Variants in RIMBP2 observed in about 807,000 individuals in gnomAD.
The protein encoded by RIMBP2 is RIMS binding protein 2.
RIMBP2 carries 48 observed loss-of-function variants against 118.6 expected under a neutral mutation model. The ratio of observed to expected loss-of-function variants is 0.40; its 90% confidence interval spans 0.32 to 0.51. RIMBP2 has a LOEUF of 0.51. RIMBP2 is among the 20% of genes least tolerant of loss of function. The pLI, the probability that RIMBP2 is intolerant of heterozygous loss-of-function variation, is 0.41. For synonymous variants in RIMBP2, 762 were observed against 742.9 expected (o/e 1.03, Z -0.42); for missense variants, 1,551 against 1,768.3 (o/e 0.88, Z 2.20).
At chr12:130,678,409 A>G (rs1354512689) in intron 1 of RIMBP2, among the ~76,000 whole-genome samples, 1 of 152,248 alleles carries the variant, frequency 6.6e-6, no homozygotes, top group East Asian at 1.9e-4. Context: ...AATATTCCGC[A>G]GCCACCAAAG....
chr12:130,439,714 G>A (rs1206724163), intron 11 of RIMBP2, among the ~76,000 whole-genome samples: 21 of 101,808 alleles, frequency 2.1e-4, no homozygotes, highest in East Asian at 1.0e-3. Flanking sequence ...TGGGGGTGTC[G>A]GTGGGGGTGT....
At chr12:130,503,610 C>T (rs2050018101) in intron 4 of RIMBP2, among the ~76,000 whole-genome samples, 1 of 152,154 alleles carries the variant, frequency 6.6e-6, no homozygotes. Flanking sequence ...TCCTGACAAC[C>T]ATTTCTTCTG....
intron 5 of RIMBP2, chr12:130,472,451 G>A (rs1593430018): frequency 1.3e-5 from 2 of 152,210 alleles, no homozygotes; most frequent in East Asian, 1.9e-4. Context: ...CGTGGAGCAG[G>A]AAAATGGGGG....
At chr12:130,636,553 G>A (rs1386023289) in intron 1 of RIMBP2, among the ~76,000 whole-genome samples, 1 of 152,204 alleles carries the variant, frequency 6.6e-6, no homozygotes, top group African/African-American at 2.4e-5. Flanking sequence ...TGGACTAGAT[G>A]AGGTAATAAC....
chr12:130,678,494 G>T (rs186437661), intron 1 of RIMBP2, among the ~76,000 whole-genome samples: 1 of 152,224 alleles, frequency 6.6e-6, no homozygotes, highest in Non-Finnish European at 1.5e-5. Flanking sequence ...AGCCAGGCAC[G>T]AAGGCCACAT....
intron 1 of RIMBP2, among the ~76,000 whole-genome samples, chr12:130,632,201 C>A (rs916057150): frequency 2.6e-5 from 4 of 152,204 alleles, no homozygotes; most frequent in Non-Finnish European, 5.9e-5. Context: ...CCAGTGAGAT[C>A]CCTGCAGGCA....
rs777035774 is a variant in RIMBP2 at position 130,412,736 on chromosome 12, G to A, written c.3472C>T (p.Arg1158Trp). The part of the protein sequence containing the change: ...DGFYRGETCA[R>W]LGLIPCNMVS... ...ATGTTACAAGGAATAAGGCCAAGCC[G>A]GGCACAGGTTTCCCCACGGTAGAAT... Residue 1158 changes from arginine (R) to tryptophan (W), a missense_variant, in exon 19 of 23, where the codon CGG becomes TGG. Physicochemically the swap from Arg to Trp is moderately radical, Grantham distance 101. This residue lies in a region of RIMBP2 where 1,038 missense variants were observed against 1,125.1 expected (regional missense o/e 0.92). Coordinates refer to ENST00000690449, the MANE Select transcript of RIMBP2 (RefSeq NM_001393629.1). 5.6e-6 allele frequency: 9 copies of A among 1,613,750 alleles called. No individual in the cohort carries two copies. In the Admixed American group the frequency reaches 6.7e-5, roughly 12 times the overall value.
chr12:130,531,374 T>C (rs192560059), intron 2 of RIMBP2, among the ~76,000 whole-genome samples: 106 of 152,338 alleles, frequency 7.0e-4, no homozygotes, highest in Non-Finnish European at 1.0e-3. Context: ...CTGTTCTGAT[T>C]TCTAGTCCCA....
chr12:130,473,503 T>C (rs2081183004), intron 5 of RIMBP2, among the ~76,000 whole-genome samples: 1 of 152,120 alleles, frequency 6.6e-6, no homozygotes, highest in Admixed American at 6.5e-5. Context: ...TCTAGCTAGG[T>C]TGGATGGGGC....
intron 4 of RIMBP2, among the ~76,000 whole-genome samples, chr12:130,480,631 T>G (rs1165800215): frequency 6.6e-6 from 1 of 152,200 alleles, no homozygotes; most frequent in Non-Finnish European, 1.5e-5. Flanking sequence ...GATGGAGTCT[T>G]GCTCTGTCAC....
rs1043850141 is a variant in RIMBP2 at position 130,607,065 on chromosome 12, C to G, written c.-217+21257G>C. Among the ~76,000 whole-genome samples, 7 of 152,200 alleles carry G rather than the reference C, an allele frequency of 4.6e-5. No homozygotes were observed. In the South Asian group the frequency reaches 1.5e-3, roughly 32 times the overall value. Reference sequence around the variant, plus strand: ...CAGGCTGGTCTCGAACTCCTGACCTCGTGATCTACCCGCCTCGGCCTCCCA... The same window carrying G: ...CAGGCTGGTCTCGAACTCCTGACCTGGTGATCTACCCGCCTCGGCCTCCCA... On this transcript the variant is annotated intron_variant, in intron 2 of 22. Transcript: ENST00000690449.
intron 20 of RIMBP2, 93 bp downstream of exon 20, chr12:130,407,630 TGAG>T (rs1165787935): frequency 4.2e-6 from 4 of 952,142 alleles, no homozygotes; most frequent in African/African-American, 1.6e-5. Context: ...AGAGAAGGAA[TGAG>T]GAGGTGAACA....
chr12:130,590,423 T>C (rs1385516080), intron 2 of RIMBP2, among the ~76,000 whole-genome samples: 1 of 152,092 alleles, frequency 6.6e-6, no homozygotes, highest in Non-Finnish European at 1.5e-5. Context: ...ATCCCCACTG[T>C]CCCTCAGCTC....
At chr12:130,453,222 G>GC (rs199761459) in intron 7 of RIMBP2, among the ~76,000 whole-genome samples, 13,390 of 152,262 alleles carry the variant, frequency 0.088, 746 homozygotes, top group South Asian at 0.16. Flanking sequence ...CATGAGCAAC[G>GC]CCTGCCCTCA....
chr12:130,422,640 G>T lies in RIMBP2; in HGVS notation c.3130-79C>A, dbSNP rs1023268166. 1 of 1,041,836 alleles carries T rather than the reference G, an allele frequency of 9.6e-7. No individual in the cohort carries two copies. Among genetic ancestry groups the T allele is most frequent in the Non-Finnish European group, 1.4e-6 (1 of 696,538 alleles). 64.5% of individuals were successfully genotyped at this position (1,041,836 alleles called of 1,614,324 possible). A position where few individuals can be genotyped will look rare whatever the true frequency, so the allele number is the denominator to read the frequency against. ...GAATTCAGTTAGCCAAATCAAGCGG[G>T]TTGAAAAGCAGAATCTGTAAAGGCA... On this transcript the variant is annotated intron_variant, in intron 16 of 22. Transcript: ENST00000690449. This position sits in a 1 kb window ranked among gnomAD's most constrained non-coding sequence, Gnocchi z 5.2.
At chr12:130,565,667 G>C (rs2139971259) in intron 2 of RIMBP2, among the ~76,000 whole-genome samples, 1 of 152,216 alleles carries the variant, frequency 6.6e-6, no homozygotes, top group Middle Eastern at 3.4e-3. Flanking sequence ...CCCACTCCTT[G>C]TCCCCTCTTT....
intron 1 of RIMBP2, among the ~76,000 whole-genome samples, chr12:130,649,534 C>A (rs1050901225): frequency 6.6e-6 from 1 of 152,230 alleles, no homozygotes; most frequent in Admixed American, 6.5e-5. Flanking sequence ...TGAGAAGTGG[C>A]TTCCCACAGC....
chr12:130,680,226 T>A (rs2064712354), intron 1 of RIMBP2, among the ~76,000 whole-genome samples: 1 of 152,258 alleles, frequency 6.6e-6, no homozygotes, highest in South Asian at 2.1e-4. Context: ...GCACATACCC[T>A]GCGACCCTAC....
Position 130,434,673 on chromosome 12 carries a change from C to G in RIMBP2, c.2253+61G>C. 6.5e-7 allele frequency: 1 copy of G among 1,541,410 alleles called. No homozygotes were observed. The highest frequency in any genetic ancestry group is 8.7e-7 in the Non-Finnish European group (1 of 1,145,978). On this transcript the variant is annotated intron_variant, in intron 14 of 22. Transcript: ENST00000690449. The surrounding 1 kb of genome is among the most constrained non-coding windows in gnomAD (Gnocchi z 5.7). Reference sequence around the variant, plus strand: ...AAGTGCCCATGTCTCTTGATCTCCACGGGGCCCGCTCCGAGCCCGCGCCCA... The same window carrying G: ...AAGTGCCCATGTCTCTTGATCTCCAGGGGGCCCGCTCCGAGCCCGCGCCCA...
Sources: allele counts gnomAD v4.1 joint callset (sites outside exome capture counted in the v4.1 genomes callset), GRCh38; gene constraint gnomAD v4.1.1; regional missense constraint gnomAD v4.1.1; non-coding constraint Gnocchi (gnomAD v3.1); transcripts MANE v1.5; gene names NCBI Gene and HGNC (gene_info 2026-07-23, HGNC 2026-07-21).